Variants in SNRPN observed in about 807,000 individuals in gnomAD.
SNRPN encodes small nuclear ribonucleoprotein polypeptide N.
Under a neutral mutation model 25.2 loss-of-function variants are expected in SNRPN, and 7 were observed. The observed-to-expected ratio is 0.28, with a 90% CI of 0.16 to 0.52. SNRPN has a LOEUF of 0.52. SNRPN is among the 20% of genes least tolerant of loss of function. The pLI is 0.96. For synonymous variants in SNRPN, 124 were observed against 110.6 expected, an observed-to-expected ratio of 1.12 and a Z score of -0.76; for missense variants, 196 against 322.5, an observed-to-expected ratio of 0.61 and a Z score of 3.00.
chr15:24,852,258 G>A (rs565587707), upstream of SNRPN: 3 of 152,226 alleles, frequency 2.0e-5, no homozygotes, highest in East Asian at 3.9e-4. Flanking sequence ...GAAAAATCCA[G>A]TTGTTTTGTG....
intron 1 of SNRPN, among the ~76,000 whole-genome samples, chr15:24,886,073 G>A (rs973882224): frequency 5.3e-5 from 8 of 152,072 alleles, no homozygotes; most frequent in Admixed American, 1.3e-4. Context: ...GCTCCGGAAC[G>A]TTCTCTTAAC....
At chr15:24,854,890 CAT>C (rs1259227508), upstream of SNRPN, among the ~76,000 whole-genome samples, 1 of 151,758 alleles carries the variant, frequency 6.6e-6, no homozygotes. Flanking sequence ...GTCCCATCAC[CAT>C]ACTCGGGAGG....
chr15:24,849,434 A>G (rs1403856984), intron 2 of SNRPN: 1 of 152,316 alleles, frequency 6.6e-6, no homozygotes, highest in Non-Finnish European at 1.5e-5. Context: ...AGAATACAGG[A>G]TCTGGTTTCC....
intron 3 of SNRPN, among the ~76,000 whole-genome samples, chr15:24,937,285 G>A (rs1048039626): frequency 9.9e-5 from 15 of 151,966 alleles, no homozygotes; most frequent in Admixed American, 9.8e-4. Flanking sequence ...CCCTAGAAAT[G>A]TATAATTATT....
rs932054792 is a variant in SNRPN, at chr15:24,870,936, A to C, written c.-579+14220A>C. Among the ~76,000 whole-genome samples, 3 of 151,570 alleles carry C rather than the reference A, an allele frequency of 2.0e-5. No individual in the cohort carries two copies. The South Asian group carries it at 6.3e-4, about 32-fold the overall frequency. On this transcript the variant is annotated intron_variant, in intron 1 of 11. Coordinates refer to the SNRPN transcript ENST00000400097. ...CACTCTGTCACCCAGCCTGGAGTGC[A>C]ATGGTGTGTTCTTGGCTCACTGCAG...
chr15:24,897,568 A>G (rs1202545150), intron 2 of SNRPN, among the ~76,000 whole-genome samples: 3 of 152,218 alleles, frequency 2.0e-5, no homozygotes, highest in Non-Finnish European at 2.9e-5. Context: ...ATGGATGACA[A>G]CGTGAGACCT....
At chr15:24,974,722 C>T (rs892413694) in intron 4 of SNRPN, 13 of 606,962 alleles carry the variant, frequency 2.1e-5, no homozygotes, top group African/African-American at 9.3e-5. Context: ...AAGAGATTCT[C>T]GTGCCTCAGC....
chr15:24,884,959 G>A (rs1469012595), intron 1 of SNRPN, among the ~76,000 whole-genome samples: 1 of 152,180 alleles, frequency 6.6e-6, no homozygotes, highest in Non-Finnish European at 1.5e-5. Flanking sequence ...CAGAAAGCAA[G>A]AGGAGAAATG....
chr15:24,852,400 A>G (rs1043945954), upstream of SNRPN: 2 of 152,178 alleles, frequency 1.3e-5, no homozygotes, highest in Non-Finnish European at 2.9e-5. Context: ...CATAGGGTCT[A>G]CCTGCCAAAT....
chr15:24,856,079 C>T (rs954341932), upstream of SNRPN, among the ~76,000 whole-genome samples: 5 of 151,854 alleles, frequency 3.3e-5, no homozygotes, highest in African/African-American at 1.2e-4. Context: ...GTTTATTTCT[C>T]TGTGAAAATA....
chr15:24,977,519 A>T (rs2077203424), intron 7 of SNRPN, among the ~76,000 whole-genome samples: 2 of 152,074 alleles, frequency 1.3e-5, no homozygotes, highest in Admixed American at 1.3e-4. Flanking sequence ...GGGTGCCTGT[A>T]ATCCCAGCTA....
chr15:24,883,151 T>C (rs2056889688), intron 1 of SNRPN, among the ~76,000 whole-genome samples: 1 of 152,228 alleles, frequency 6.6e-6, no homozygotes, highest in Non-Finnish European at 1.5e-5. Flanking sequence ...CTATCTGTAC[T>C]GTGAAATTCC....
intron 1 of SNRPN, among the ~76,000 whole-genome samples, chr15:24,873,699 G>A (rs1018270837): frequency 2.6e-5 from 4 of 151,798 alleles, no homozygotes; most frequent in Admixed American, 6.6e-5. Context: ...CACCTGCCTC[G>A]GCCTCTCAAA....
chr15:24,878,556 T>C (rs993800999), intron 1 of SNRPN, among the ~76,000 whole-genome samples: 2 of 152,244 alleles, frequency 1.3e-5, no homozygotes, highest in African/African-American at 4.8e-5. Flanking sequence ...ACCTGCGTTT[T>C]ACTCGTAAAA....
chr15:24,918,647 TGTGC>T (rs1190627710), intron 2 of SNRPN, among the ~76,000 whole-genome samples: 5 of 104,432 alleles, frequency 4.8e-5, no homozygotes, highest in African/African-American at 1.8e-4. Context: ...AATATATATG[TGTGC>T]ATATATATAA....
exon 3 of SNRPN, chr15:24,920,088 GC>G (rs1293628080): frequency 6.6e-6 from 1 of 152,054 alleles, no homozygotes; most frequent in Non-Finnish European, 1.5e-5. Flanking sequence ...GATTTTTGCT[GC>G]CCCTTTTACC....
At chr15:24,965,874 T>A (rs995252017) in intron 2 of SNRPN, among the ~76,000 whole-genome samples, 4 of 152,194 alleles carry the variant, frequency 2.6e-5, no homozygotes, top group Admixed American at 6.5e-5. Flanking sequence ...TATATATATT[T>A]TTTTTTACTG....
intron 1 of SNRPN, among the ~76,000 whole-genome samples, chr15:24,859,363 A>G (rs1441696968): frequency 6.6e-6 from 1 of 152,188 alleles, no homozygotes; most frequent in Non-Finnish European, 1.5e-5. Flanking sequence ...AATTGTACAA[A>G]TGCCAACAAG....
chr15:24,874,932 T>C (rs941431147), intron 1 of SNRPN, among the ~76,000 whole-genome samples: 5 of 152,198 alleles, frequency 3.3e-5, no homozygotes, highest in African/African-American at 1.2e-4. Flanking sequence ...TTTGTCATCA[T>C]AGAAGTGATA....
Sources: gnomAD v4.1 joint callset for allele counts (sites outside exome capture counted in the v4.1 genomes callset) on GRCh38, gnomAD v4.1.1 for gene constraint, MANE v1.5 for transcripts, NCBI Gene and HGNC (gene_info 2026-07-23, HGNC 2026-07-21) for gene names.